HMGB1: variants seen among roughly 807,000 people sequenced by gnomAD.
HMGB1 encodes high mobility group box 1.
For missense variants in HMGB1, 79 were observed against 253.5 expected (o/e 0.31, Z 4.67); for synonymous variants, 81 against 84.0 (o/e 0.96, Z 0.19).
At chr13:30,609,455 T>G (rs943114155) in intron 1 of HMGB1, among the ~76,000 whole-genome samples, 6 of 152,184 alleles carry the variant, frequency 3.9e-5, no homozygotes, top group Non-Finnish European at 5.9e-5. Context: ...AGGTTTGAAC[T>G]GCCTGGGTCC....
chr13:30,545,800 A>G (rs1335159105), intron 1 of HMGB1, among the ~76,000 whole-genome samples: 1 of 152,014 alleles, frequency 6.6e-6, no homozygotes, highest in East Asian at 1.9e-4. Flanking sequence ...GGCTCAAGAG[A>G]TCCTCCTGCC....
intron 1 of HMGB1, among the ~76,000 whole-genome samples, chr13:30,600,766 C>T (rs573564529): frequency 1.3e-5 from 2 of 152,130 alleles, no homozygotes; most frequent in Admixed American, 1.3e-4. Context: ...TCTGAAAAAA[C>T]CCAAATCTGA....
intron 1 of HMGB1, among the ~76,000 whole-genome samples, chr13:30,537,696 TA>T (rs1491025206): frequency 8.0e-6 from 1 of 125,726 alleles, no homozygotes; most frequent in Non-Finnish European, 1.7e-5. Flanking sequence ...TATATATATA[TA>T]AAATTGATGT....
chr13:30,545,110 C>T (rs528799351), intron 1 of HMGB1, among the ~76,000 whole-genome samples: 147 of 152,126 alleles, frequency 9.7e-4, no homozygotes, highest in African/African-American at 3.3e-3. Flanking sequence ...ATTTCCATTT[C>T]AGCTGGGCAG....
chr13:30,544,757 G>A (rs1593302498), intron 1 of HMGB1, among the ~76,000 whole-genome samples: 1 of 151,952 alleles, frequency 6.6e-6, no homozygotes, highest in East Asian at 1.9e-4. Flanking sequence ...AATCGAACCT[G>A]AGGAGAAGGA....
intron 1 of HMGB1, among the ~76,000 whole-genome samples, chr13:30,477,683 G>A (rs1014157749): frequency 2.0e-5 from 3 of 152,244 alleles, no homozygotes; most frequent in Admixed American, 1.3e-4. Flanking sequence ...GCCTGGGAGA[G>A]AAATCCTAGC....
chr13:30,612,556 T>C (rs868282575), intron 1 of HMGB1, among the ~76,000 whole-genome samples: 7 of 152,260 alleles, frequency 4.6e-5, no homozygotes, highest in Admixed American at 4.6e-4. Flanking sequence ...TTTGCTATTG[T>C]TTCTACCACT....
intron 1 of HMGB1, among the ~76,000 whole-genome samples, chr13:30,610,458 TCTG>T (rs1190131006): frequency 6.6e-6 from 1 of 152,202 alleles, no homozygotes; most frequent in Non-Finnish European, 1.5e-5. Flanking sequence ...AAAACCAACA[TCTG>T]CTGTGAGGGC....
intron 1 of HMGB1, among the ~76,000 whole-genome samples, chr13:30,516,257 C>T (rs1245471901): frequency 6.6e-6 from 1 of 152,170 alleles, no homozygotes; most frequent in Non-Finnish European, 1.5e-5. Flanking sequence ...AGTAGGACTA[C>T]AAGGAATATT....
At chr13:30,490,525 G>A (rs545878166) in intron 1 of HMGB1, among the ~76,000 whole-genome samples, 45 of 151,480 alleles carry the variant, frequency 3.0e-4, no homozygotes, top group African/African-American at 5.1e-4. Context: ...AGGCTGAGGC[G>A]CAAGAATCAC....
rs1415049786 is a variant in HMGB1, at chr13:30,461,305, G to A, written c.*52C>T. ...CTTTAAAAGGAGTGAGTTGTGTACA[G>A]GGGGGTTAAATGCTTTATAGACAAG... On this transcript the variant is annotated 3_prime_UTR_variant, in exon 5 of 5. Transcript: ENST00000341423. The A allele has an allele frequency of 5.3e-6, 8 of 1,518,576 alleles. No homozygotes were observed. The highest frequency in any genetic ancestry group is 2.3e-5 in the Admixed American group (1 of 44,324). The allele number at this position is 1,518,576 out of a possible 1,614,324, so 94.1% of individuals were successfully genotyped here. A position where few individuals can be genotyped will look rare whatever the true frequency, so the allele number is the denominator to read the frequency against.
chr13:30,463,031 A>G (rs1886457155), intron 3 of HMGB1, among the ~76,000 whole-genome samples, 176 bp downstream of exon 3: 1 of 152,244 alleles, frequency 6.6e-6, no homozygotes. Flanking sequence ...ATGCTCTGGG[A>G]ACACTCCCAC....
intron 1 of HMGB1, among the ~76,000 whole-genome samples, chr13:30,482,788 T>TG (rs201502641): frequency 0.21 from 32,278 of 151,914 alleles, 3,845 homozygotes; most frequent in Middle Eastern, 0.36. Flanking sequence ...AATTTTTTTT[T>TG]TTGTTGTTGT....
intron 1 of HMGB1, among the ~76,000 whole-genome samples, chr13:30,573,808 G>A (rs1051435292): frequency 2.6e-5 from 4 of 152,010 alleles, no homozygotes; most frequent in Non-Finnish European, 4.4e-5. Flanking sequence ...GCGCCAACAC[G>A]TCCAGCTAAT....
chr13:30,525,164 G>A (rs898821137), intron 1 of HMGB1, among the ~76,000 whole-genome samples: 10 of 152,160 alleles, frequency 6.6e-5, no homozygotes, highest in African/African-American at 1.9e-4. Flanking sequence ...TCAGAGAGTA[G>A]GTGGAAGAAC....
At chr13:30,551,836 G>GC (rs1869441924) in intron 1 of HMGB1, among the ~76,000 whole-genome samples, 1 of 152,042 alleles carries the variant, frequency 6.6e-6, no homozygotes, top group Non-Finnish European at 1.5e-5. Flanking sequence ...CTCCTGAGTA[G>GC]CTGGGACCAC....
rs1270066803 is a variant in HMGB1, at chr13:30,460,514, G to A, written c.*843C>T. The A allele has an allele frequency of 6.6e-6, 1 of 151,924 alleles. No individual in the cohort carries two copies. The highest frequency in any genetic ancestry group is 2.4e-5 in the African/African-American group (1 of 41,210). The allele number at this position is 151,924 out of a possible 1,614,324, so 9.4% of individuals were successfully genotyped here. A position where few individuals can be genotyped will look rare whatever the true frequency, so the allele number is the denominator to read the frequency against. On this transcript the variant is annotated 3_prime_UTR_variant, in exon 5 of 5. Transcript: ENST00000341423. ...TATAACTGCCATTACATGGTAATGG[G>A]AGTTAAAGAATAGAGTCCTCATGTA... is the stretch of plus-strand genomic sequence containing the variant.
At chr13:30,575,659 ACT>A in intron 1 of HMGB1, among the ~76,000 whole-genome samples, 1 of 152,314 alleles carries the variant, frequency 6.6e-6, no homozygotes, top group East Asian at 1.9e-4. Flanking sequence ...GTAATAAGGT[ACT>A]GACTTAAAAT....
chr13:30,464,745 A>G (rs1886623998), intron 1 of HMGB1: 3 of 425,450 alleles, frequency 7.1e-6, no homozygotes, highest in African/African-American at 2.2e-5. Flanking sequence ...GCGAGCGAGA[A>G]TATGGCTCCT....
Sources: gnomAD v4.1 joint callset for allele counts (sites outside exome capture counted in the v4.1 genomes callset) on GRCh38, gnomAD v4.1.1 for gene constraint, MANE v1.5 for transcripts, NCBI Gene and HGNC (gene_info 2026-07-23, HGNC 2026-07-21) for gene names.